The following RGS5 variants were observed in gnomAD, a reference collection of about 807,000 sequenced individuals.
The protein encoded by RGS5 is regulator of G-protein signalling 5.
In RGS5, 20 loss-of-function variants were observed where a neutral mutation model predicts 18.9. The ratio of observed to expected loss-of-function variants is 1.06; its 90% CI spans 0.74 to 1.54. RGS5 has a LOEUF of 1.54. Among genes scored for constraint, RGS5 ranks in the 40% most tolerant of loss-of-function variants. The pLI, the probability that RGS5 is intolerant of heterozygous loss-of-function variation, is 0.00. For synonymous variants in RGS5, 57 were observed against 76.2 expected (o/e 0.75, Z 1.31); for missense variants, 201 against 211.8 (o/e 0.95, Z 0.32).
intron 1 of RGS5, among the ~76,000 whole-genome samples, chr1:163,186,593 A>AAAG (rs1659094886): frequency 7.2e-6 from 1 of 138,928 alleles, no homozygotes; most frequent in African/African-American, 2.8e-5. Context: ...AAAAAAAAAA[A>AAAG]AAAAGAAAAA....
intron 1 of RGS5, among the ~76,000 whole-genome samples, chr1:163,180,507 G>A (rs1658769743): frequency 6.6e-6 from 1 of 151,962 alleles, no homozygotes; most frequent in Non-Finnish European, 1.5e-5. Context: ...ATCACTTGGA[G>A]GCCTGGTTAA....
chr1:163,166,846 T>C (rs1045939921), intron 2 of RGS5, among the ~76,000 whole-genome samples: 1 of 152,246 alleles, frequency 6.6e-6, no homozygotes, highest in African/African-American at 2.4e-5. Context: ...GCAGGAAATG[T>C]AGAACTCTAT....
chr1:163,226,304 C>T (rs1647334492), intron 2 of RGS5, among the ~76,000 whole-genome samples: 2 of 152,162 alleles, frequency 1.3e-5, no homozygotes, highest in Admixed American at 1.3e-4. Flanking sequence ...TCACTGGGTA[C>T]ATTTAAATGC....
intron 2 of RGS5, among the ~76,000 whole-genome samples, chr1:163,264,330 A>G (rs1027858427): frequency 6.6e-6 from 1 of 152,144 alleles, no homozygotes; most frequent in East Asian, 1.9e-4. Context: ...CAAGTCCCAA[A>G]TTCTATCTCA....
chr1:163,283,354 G>T (rs1417002381), intron 2 of RGS5, among the ~76,000 whole-genome samples: 2 of 152,138 alleles, frequency 1.3e-5, no homozygotes, highest in African/African-American at 2.4e-5. Context: ...TAATTATCCT[G>T]ATTTGATCAT....
upstream of RGS5, among the ~76,000 whole-genome samples, chr1:163,203,740 T>TCA (rs1365096230): frequency 3.9e-5 from 6 of 152,200 alleles, no homozygotes; most frequent in Admixed American, 2.0e-4. Context: ...TGACTAATGC[T>TCA]TTGTAATTCT....
At chr1:163,245,953 C>T (rs1222614404) in intron 2 of RGS5, among the ~76,000 whole-genome samples, 4 of 152,350 alleles carry the variant, frequency 2.6e-5, no homozygotes, top group South Asian at 2.1e-4. Context: ...CTGTGGCTCA[C>T]GCCTGTAATC....
intron 2 of RGS5, among the ~76,000 whole-genome samples, chr1:163,259,091 C>T (rs1382922501): frequency 1.3e-5 from 2 of 152,078 alleles, no homozygotes; most frequent in Admixed American, 6.5e-5. Flanking sequence ...TTTTGTCAAA[C>T]AAGGTACCTG....
At chr1:163,243,218 A>G (rs1411611510) in intron 2 of RGS5, among the ~76,000 whole-genome samples, 1 of 152,124 alleles carries the variant, frequency 6.6e-6, no homozygotes, top group Non-Finnish European at 1.5e-5. Context: ...GCATGTTCTC[A>G]CTCATAAGTG....
intron 3 of RGS5, among the ~76,000 whole-genome samples, chr1:163,155,528 G>C (rs1657544858): frequency 6.6e-6 from 1 of 152,016 alleles, no homozygotes; most frequent in Admixed American, 6.6e-5. Flanking sequence ...GCACTCTCTA[G>C]AGGGTCCCTC....
upstream of RGS5, among the ~76,000 whole-genome samples, chr1:163,218,569 T>C (rs1660267846): frequency 6.6e-6 from 1 of 150,454 alleles, no homozygotes; most frequent in South Asian, 2.1e-4. Flanking sequence ...TTATGCATTT[T>C]ATTTTATGCA....
upstream of RGS5, among the ~76,000 whole-genome samples, chr1:163,218,938 TATTGTCTATA>T (rs1313828032): frequency 6.6e-6 from 1 of 152,162 alleles, no homozygotes; most frequent in African/African-American, 2.4e-5. Context: ...ACACCCAAAC[TATTGTCTATA>T]ATTGCGTGAG....
chr1:163,147,283 A>G lies in RGS5; in HGVS notation c.*59T>C. 1 of 1,499,934 alleles carries G rather than the reference A, an allele frequency of 6.7e-7. No individual in the cohort carries two copies. Among genetic ancestry groups the G allele is most frequent in the Non-Finnish European group, 9.0e-7 (1 of 1,117,064 alleles). The allele number at this position is 1,499,934 out of a possible 1,614,324, so 92.9% of individuals were successfully genotyped here. ...GGGAAGATATGTAGATTAATGGGAAATGCAGGGTTATTATGGAGGAAATAA... is the reference window on the plus strand; with the variant it reads ...GGGAAGATATGTAGATTAATGGGAAGTGCAGGGTTATTATGGAGGAAATAA... On this transcript the variant is annotated 3_prime_UTR_variant, in exon 5 of 5. Transcript: ENST00000313961.
intron 2 of RGS5, among the ~76,000 whole-genome samples, chr1:163,301,425 T>G (rs1014973092): frequency 6.6e-6 from 1 of 152,140 alleles, no homozygotes; most frequent in Non-Finnish European, 1.5e-5. Context: ...CCAGGCCTCT[T>G]GGGTTCAAGT....
intron 1 of RGS5, among the ~76,000 whole-genome samples, chr1:163,307,524 T>G (rs574373275): frequency 1.3e-5 from 2 of 152,182 alleles, no homozygotes; most frequent in South Asian, 4.2e-4. Context: ...CTGGGTCCCA[T>G]GCCGGTTAAG....
chr1:163,160,352 T>C (rs1420708385), intron 3 of RGS5, among the ~76,000 whole-genome samples: 1 of 152,208 alleles, frequency 6.6e-6, no homozygotes, highest in Non-Finnish European at 1.5e-5. Context: ...CAGAAACCAC[T>C]AAGGCAAGAC....
chr1:163,216,665 C>T (rs1660224297), intron 1 of RGS5, among the ~76,000 whole-genome samples: 1 of 152,142 alleles, frequency 6.6e-6, no homozygotes, highest in South Asian at 2.1e-4. Context: ...AACAGTTACT[C>T]TAATACTGGA....
chr1:163,202,930 T>C, upstream of RGS5: 1 of 1,171,682 alleles, frequency 8.5e-7, no homozygotes, highest in South Asian at 1.3e-5. Flanking sequence ...ATGCCTTTCC[T>C]CCTGAGGTAT....
chr1:163,178,830 A>G (rs1014477253), intron 1 of RGS5, among the ~76,000 whole-genome samples: 21 of 152,200 alleles, frequency 1.4e-4, no homozygotes, highest in Admixed American at 1.2e-3. Context: ...AGTTTCCATT[A>G]CAGAAGAAAA....
Sources: allele counts gnomAD v4.1 joint callset (sites outside exome capture counted in the v4.1 genomes callset), GRCh38; gene constraint gnomAD v4.1.1; transcripts MANE v1.5; gene names NCBI Gene and HGNC (gene_info 2026-07-23, HGNC 2026-07-21).